The following DCTN1 variants were observed in gnomAD, a reference collection of about 807,000 sequenced individuals.
DCTN1 encodes dynactin subunit 1.
DCTN1 carries 61 observed loss-of-function variants against 161.2 expected under a neutral mutation model. That is an observed-to-expected ratio of 0.38 (90% CI 0.31 to 0.47). The LOEUF (loss-of-function observed/expected upper bound fraction) is 0.47, where lower values mean the gene tolerates loss of function less well. Ranked by LOEUF, DCTN1 falls within the 20% of genes least tolerant of loss-of-function variation. The pLI, the probability that DCTN1 is intolerant of heterozygous loss-of-function variation, is 0.99. For missense variants in DCTN1, 1,404 were observed against 1,623.7 expected, an observed-to-expected ratio of 0.86 and a Z score of 2.33; for synonymous variants, 653 against 632.4, an observed-to-expected ratio of 1.03 and a Z score of -0.49.
chr2:74,382,078 T>C (rs1329628081), upstream of DCTN1, among the ~76,000 whole-genome samples: 1 of 152,160 alleles, frequency 6.6e-6, no homozygotes, highest in Non-Finnish European at 1.5e-5. Flanking sequence ...CCCCTCACCA[T>C]TACCACAGAC....
In DCTN1 at chr2:74,380,209, T is replaced by C. The variant is rs551545078; in HGVS notation, c.-172A>G. On this transcript the variant is annotated 5_prime_UTR_variant, in exon 1 of 32. Transcript: ENST00000628224. The stretch of plus-strand genomic sequence containing the variant: ...ACTCGGTGGCCTACACGGGTAGGGG[T>C]GGGGGCAGTGATGGGGGCTGAGGAG... 1.3e-5 allele frequency: 9 copies of C among 716,324 alleles called. No homozygotes were observed. The highest frequency in any genetic ancestry group is 1.1e-4 in the South Asian group (7 of 66,258). 44.4% of individuals were successfully genotyped at this position (716,324 alleles called of 1,614,324 possible).
intron 26 of DCTN1, chr2:74,364,068 T>C (rs182423549): frequency 1.4e-4 from 29 of 211,896 alleles, no homozygotes; most frequent in African/African-American, 4.5e-4. Flanking sequence ...GGATTCCCCA[T>C]TGCTCTGAGG....
chr2:74,369,897 A>G lies in DCTN1; in HGVS notation c.1392+68T>C, dbSNP rs1459883877. 1 of 1,508,454 alleles carries G rather than the reference A, an allele frequency of 6.6e-7. No individual in the cohort carries two copies. The highest frequency in any genetic ancestry group is 9.2e-7 in the Non-Finnish European group (1 of 1,087,702). The allele number at this position is 1,508,454 out of a possible 1,614,324, so 93.4% of individuals were successfully genotyped here. A position where few individuals can be genotyped will look rare whatever the true frequency, so the allele number is the denominator to read the frequency against. On this transcript the variant is annotated intron_variant, in intron 13 of 31. Transcript: ENST00000628224. The surrounding 1 kb of genome is among the most constrained non-coding windows in gnomAD (Gnocchi z 4.9). ...TCACCGCACACCCTGCTCAAAGGCC[A>G]AGGGTCACATGTCAATCTTTTTCTC...
In DCTN1 at chr2:74,369,556, C is replaced by T. The variant is rs1674678273; in HGVS notation, c.1393-65G>A. 6.5e-7 allele frequency: 1 copy of T among 1,534,072 alleles called. No homozygotes were observed. The highest frequency in any genetic ancestry group is 1.7e-5 in the Admixed American group (1 of 59,920). On this transcript the variant is annotated intron_variant, in intron 13 of 31. Transcript: ENST00000628224. The surrounding 1 kb of genome is among the most constrained non-coding windows in gnomAD (Gnocchi z 4.9). ...GGTCGGCCAGCGGCGGTGGTTCACA[C>T]CTGTAATCCCAGCACTTTGGGAGGT...
At chr2:74,383,941 A>C (rs747367836), upstream of DCTN1, 12 of 152,248 alleles carry the variant, frequency 7.9e-5, no homozygotes, top group Non-Finnish European at 1.3e-4. Context: ...TTTTAAGGGA[A>C]TATCCACGAT....
chr2:74,364,966 G>T, intron 26 of DCTN1, 109 bp downstream of exon 26: 1 of 1,380,858 alleles, frequency 7.2e-7, no homozygotes, highest in Non-Finnish European at 1.0e-6. Flanking sequence ...GCATGTTCCT[G>T]GCTGAATACC....
intron 7 of DCTN1, chr2:74,372,119 A>C (rs754869466): frequency 3.5e-6 from 1 of 281,992 alleles, no homozygotes; most frequent in Non-Finnish European, 6.9e-6. Flanking sequence ...TAGCAACTCC[A>C]TTATACTCTC....
Position 74,366,576 on chromosome 2 carries a change from G to C in DCTN1, c.2511C>G (p.Val837=). 1 of 1,613,426 alleles carries C rather than the reference G, an allele frequency of 6.2e-7. No homozygotes were observed. The highest frequency in any genetic ancestry group is 8.5e-7 in the Non-Finnish European group (1 of 1,180,024). The change falls in exon 22 of 32, where the codon GTC becomes GTG. Residue 837 remains valine, a synonymous_variant. Coordinates refer to ENST00000628224, the MANE Select transcript of DCTN1 (RefSeq NM_004082.5). ...CTGCCACCTCCTGCAGCACAGCCAC[G>C]ACCCACGTCAAGTGTTTCCTGCAGT... ...LLDCRKHLTW[V]VAVLQEVAAA...
Position 74,361,627 on chromosome 2 carries a change from C to T in DCTN1, c.3709G>A (p.Glu1237Lys). The T allele has an allele frequency of 6.2e-7, 1 of 1,614,122 alleles. No individual in the cohort carries two copies. Among genetic ancestry groups the T allele is most frequent in the Non-Finnish European group, 8.5e-7 (1 of 1,180,022 alleles). ...PSSAFLRAKEEQQDDTVYMGK... is the reference protein window; with the variant it reads ...PSSAFLRAKEKQQDDTVYMGK... ...ATGTAGACTGTGTCATCCTGCTGCT[C>T]CTCCTTGGCCTGGTGGTTGATGAGG... Residue 1237 changes from glutamate to lysine, a missense_variant, in exon 32 of 32, where the codon GAG (glutamate) becomes AAG (lysine). This residue lies in a region of DCTN1 where 311 missense variants were observed against 298.9 expected (regional missense o/e 1.04). Transcript: ENST00000628224.
Position 74,368,013 on chromosome 2 carries a change from T to C in DCTN1, c.1973A>G (p.Tyr658Cys). Residue 658 changes from tyrosine (Y) to cysteine (C), a missense_variant, in exon 17 of 32, where the codon TAC becomes TGC. By Grantham distance (194) the Tyr-to-Cys change is radical. Transcript: ENST00000628224. ...CGTGGCCTGCAGCAGGCTCAGCGAG[T>C]ACACCAGTCCAGCAGCAAAGCTGAG... is the stretch of plus-strand genomic sequence containing the variant. The part of the protein sequence containing the change: ...EQLSFAAGLV[Y>C]SLSLLQATLH... The C allele has an allele frequency of 6.2e-7, 1 of 1,614,136 alleles. No individual in the cohort carries two copies. The highest frequency in any genetic ancestry group is 2.2e-5 in the East Asian group (1 of 44,870).
At chr2:74,368,959 C>T (rs958402719) in intron 15 of DCTN1, 79 bp from the exon 16 acceptor site, 1 of 1,588,640 alleles carries the variant, frequency 6.3e-7, no homozygotes, top group African/African-American at 1.3e-5. Flanking sequence ...TCCAGTAGAT[C>T]CCTTGCTTCT....
chr2:74,367,382 G>A lies in DCTN1; in HGVS notation c.2223C>T (p.Asp741=). Residue 741 remains aspartate (D), a synonymous_variant, in exon 19 of 32, where the codon GAC becomes GAT. Transcript: ENST00000628224. ...YSIHLAEQPE[D]CTMQLADHIK... ...TGTGGTCAGCCAGCTGCATAGTACAGTCCTCAGGCTGTTCGGCAAGGTGGA... is the reference window on the plus strand; with the variant it reads ...TGTGGTCAGCCAGCTGCATAGTACAATCCTCAGGCTGTTCGGCAAGGTGGA... 6.2e-7 allele frequency: 1 copy of A among 1,614,154 alleles called. No individual in the cohort carries two copies.
intron 4 of DCTN1, 34 bp from the exon 5 acceptor site, chr2:74,376,796 A>G: frequency 6.3e-7 from 1 of 1,593,074 alleles, no homozygotes; most frequent in Non-Finnish European, 8.6e-7. Context: ...AGAGTTAGAG[A>G]ACAGATGTCC....
At chr2:74,373,230 A>G in intron 6 of DCTN1, 1 of 513,674 alleles carries the variant, frequency 1.9e-6, no homozygotes, top group Non-Finnish European at 3.5e-6. Flanking sequence ...CCAGAAGTCC[A>G]TCTCTAGGCT....
chr2:74,371,810 A>G (rs1674880648), intron 7 of DCTN1, 82 bp from the exon 8 acceptor site: 16 of 1,134,208 alleles, frequency 1.4e-5, no homozygotes, highest in Middle Eastern at 4.1e-4. Flanking sequence ...ATATGAGAAT[A>G]TGGCAAGGGA....
chr2:74,370,677 C>CG lies in DCTN1; in HGVS notation c.991dup (p.Arg331ProfsTer8), dbSNP rs1558942120. 1 of 1,614,228 alleles carries CG rather than the reference C, an allele frequency of 6.2e-7. No homozygotes were observed. Among genetic ancestry groups the CG allele is most frequent in the Non-Finnish European group, 8.5e-7 (1 of 1,180,046 alleles). On this transcript the variant is annotated frameshift_variant, in exon 10 of 32. Transcript: ENST00000628224. LOFTEE classifies it high-confidence loss of function. This position sits in a 1 kb window ranked among gnomAD's most constrained non-coding sequence, Gnocchi z 4.4. ...TAAGTCAGTAGTGAGCTCGTCCACC[C>CG]GCTCCTTCAGTGCCTCCACCTCCTG...
intron 1 of DCTN1, chr2:74,391,633 CG>C (rs1676004318): frequency 2.8e-6 from 1 of 362,322 alleles, no homozygotes; most frequent in Admixed American, 3.7e-5. Context: ...AGACCGGCCT[CG>C]GGGCAAACGC....
In DCTN1 at chr2:74,377,746, A is replaced by G. The variant is rs757937293; in HGVS notation, c.280-20T>C. 4 of 1,605,636 alleles carry G rather than the reference A, an allele frequency of 2.5e-6. No individual in the cohort carries two copies. Among genetic ancestry groups the G allele is most frequent in the Non-Finnish European group, 3.4e-6 (4 of 1,172,198 alleles). ...CTGGATCTGAGGCCAGATTCAATAT[A>G]GCCAGATCAATAGTTTCAATATAGC... On this transcript the variant is annotated intron_variant, in intron 2 of 31. Coordinates refer to ENST00000628224, the MANE Select transcript of DCTN1 (RefSeq NM_004082.5).
At chr2:74,377,239 T>C (rs990143206) in intron 4 of DCTN1, among the ~76,000 whole-genome samples, 193 bp downstream of exon 4, 4 of 152,196 alleles carry the variant, frequency 2.6e-5, no homozygotes, top group African/African-American at 9.7e-5. Context: ...TATGAGTTTT[T>C]CCCTTCTACC....
Sources: gnomAD v4.1 joint callset for allele counts (sites outside exome capture counted in the v4.1 genomes callset) on GRCh38, gnomAD v4.1.1 for gene constraint, gnomAD v4.1.1 regional missense constraint, Gnocchi (gnomAD v3.1) non-coding constraint, MANE v1.5 for transcripts, NCBI Gene and HGNC (gene_info 2026-07-23, HGNC 2026-07-21) for gene names.